The following CDC34 variants were observed in gnomAD, a reference collection of about 807,000 sequenced individuals.
The protein encoded by CDC34 is ubiquitin-conjugating enzyme E2 R1.
CDC34 carries 18 observed loss-of-function variants against 26.8 expected under a neutral mutation model. That is an observed-to-expected ratio of 0.67 (90% CI 0.47 to 1.00). The LOEUF (loss-of-function observed/expected upper bound fraction) is 1.00, where lower values mean the gene tolerates loss of function less well. CDC34 is among the 50% of genes least tolerant of loss of function. The pLI, the probability that CDC34 is intolerant of heterozygous loss-of-function variation, is 0.00. For missense variants in CDC34, 280 were observed against 334.5 expected (o/e 0.84, Z 1.27); for synonymous variants, 178 against 147.5 (o/e 1.21, Z -1.50).
intron 4 of CDC34, among the ~76,000 whole-genome samples, chr19:541,001 C>G (rs1023123020): frequency 3.9e-5 from 6 of 152,210 alleles, no homozygotes; most frequent in African/African-American, 1.4e-4. Context: ...TTTTGCCCCC[C>G]AGTGGGGCAG....
chr19:540,162 G>A (rs371653474), intron 4 of CDC34, among the ~76,000 whole-genome samples: 333 of 3,472 alleles, frequency 0.096, 127 homozygotes, highest in East Asian at 0.5. Flanking sequence ...CAGGCCCCCC[G>A]GGTTTAGAAT....
In CDC34 at chr19:535,827, G is replaced by C; in HGVS notation, c.178-10G>C. On this transcript the variant is annotated splice_polypyrimidine_tract_variant and intron_variant, in intron 1 of 4. Coordinates refer to ENST00000215574, the MANE Select transcript of CDC34 (RefSeq NM_004359.2). The stretch of plus-strand genomic sequence containing the variant: ...GGCTGGACTGAGCCACCTGCCTTCT[G>C]CCCCTGCAGGCGCGCCTCAAGTTCC... 4 of 1,611,796 alleles carry C rather than the reference G, an allele frequency of 2.5e-6. No individual in the cohort carries two copies. The highest frequency in any genetic ancestry group is 2.5e-6 in the Non-Finnish European group (3 of 1,178,574).
In CDC34 at chr19:536,266, C is replaced by T. The variant is rs747062741; in HGVS notation, c.288C>T (p.Ile96=). The T allele has an allele frequency of 4.0e-5, 65 of 1,606,622 alleles. No homozygotes were observed. Among genetic ancestry groups the T allele is most frequent in the South Asian group, 1.0e-4 (9 of 89,998 alleles). Residue 96 remains isoleucine, a synonymous_variant, in exon 3 of 5, where the codon ATC becomes ATT. Transcript: ENST00000215574. ...IYETGDVCIS[I]LHPPVDDPQS... ...AGACGGGGGACGTGTGTATCTCCAT[C>T]CTCCACCCGCCGGTGGACGACCCCC...
chr19:538,070 CAT>C (rs1156547848), intron 4 of CDC34, among the ~76,000 whole-genome samples: 5 of 151,216 alleles, frequency 3.3e-5, no homozygotes, highest in Non-Finnish European at 7.4e-5. Flanking sequence ...TGTTAGGGAA[CAT>C]GTGTCTGTGC....
intron 1 of CDC34, among the ~76,000 whole-genome samples, chr19:534,410 C>A (rs1380251036): frequency 6.7e-6 from 1 of 149,302 alleles, no homozygotes; most frequent in African/African-American, 2.5e-5. Flanking sequence ...CAATCCAAGA[C>A]CCCCGAGTAC....
intron 1 of CDC34, among the ~76,000 whole-genome samples, chr19:535,261 C>G (rs1398042715): frequency 6.6e-6 from 1 of 152,246 alleles, no homozygotes; most frequent in Non-Finnish European, 1.5e-5. Context: ...GGTCTGCCTG[C>G]CTGACCCCCC....
chr19:533,608 G>A (rs1349390706), intron 1 of CDC34, among the ~76,000 whole-genome samples: 5 of 152,372 alleles, frequency 3.3e-5, no homozygotes, highest in Non-Finnish European at 7.3e-5. Context: ...CCACCTCGAA[G>A]CCAGGCCTGT....
chr19:535,862 A>G lies in CDC34; in HGVS notation c.203A>G (p.Tyr68Cys). ...FKARLKFPID[Y>C]PYSPPAFRFL... Reference sequence around the variant, plus strand: ...GCGCGCCTCAAGTTCCCCATCGACTACCCATACTCTCCACCAGCCTTTCGG... The same window carrying G: ...GCGCGCCTCAAGTTCCCCATCGACTGCCCATACTCTCCACCAGCCTTTCGG... The change falls in exon 2 of 5, where the codon TAC becomes TGC. Residue 68 changes from tyrosine to cysteine, a missense_variant. Transcript: ENST00000215574. The G allele has an allele frequency of 6.2e-7, 1 of 1,613,734 alleles. No homozygotes were observed. The highest frequency in any genetic ancestry group is 8.5e-7 in the Non-Finnish European group (1 of 1,179,918).
At position 541,362 on chromosome 19, in the gene CDC34, T is replaced by C; in HGVS notation, c.521T>C (p.Val174Ala). The change falls in exon 5 of 5, where the codon GTG becomes GCG. Residue 174 changes from valine (V) to alanine (A), a missense_variant. Transcript: ENST00000215574. The part of the protein sequence containing the change: ...IIRKQVLGTK[V>A]DAERDGVKVP... ...AGGAAGCAGGTCCTGGGGACCAAGG[T>C]GGACGCGGAGCGTGACGGCGTGAAG... 1 of 1,595,976 alleles carries C rather than the reference T, an allele frequency of 6.3e-7. No individual in the cohort carries two copies. The highest frequency in any genetic ancestry group is 8.5e-7 in the Non-Finnish European group (1 of 1,173,632).
At chr19:538,768 G>C (rs886569086) in intron 4 of CDC34, 2 of 985,276 alleles carry the variant, frequency 2.0e-6, no homozygotes, top group African/African-American at 3.5e-5. Context: ...GGTGCTGGGC[G>C]GTCTCGGCTC....
intron 4 of CDC34, among the ~76,000 whole-genome samples, chr19:539,255 C>T (rs1308260904): frequency 6.6e-6 from 1 of 152,116 alleles, no homozygotes; most frequent in Non-Finnish European, 1.5e-5. Context: ...GTGCCGGCGG[C>T]ACCTCCACGG....
At chr19:539,342 C>A (rs1448596510) in intron 4 of CDC34, among the ~76,000 whole-genome samples, 1 of 151,154 alleles carries the variant, frequency 6.6e-6, no homozygotes, top group Admixed American at 6.6e-5. Flanking sequence ...CCCCGGGGCA[C>A]CGTCACCCCC....
intron 4 of CDC34, among the ~76,000 whole-genome samples, chr19:539,776 C>T (rs993131365): frequency 6.6e-6 from 1 of 152,234 alleles, no homozygotes; most frequent in East Asian, 1.9e-4. Context: ...GTGCCACCCC[C>T]GGAAGCCCCT....
At chr19:534,515 C>T (rs540764604) in intron 1 of CDC34, among the ~76,000 whole-genome samples, 1 of 137,814 alleles carries the variant, frequency 7.3e-6, no homozygotes, top group East Asian at 2.2e-4. Context: ...GAGTGCCCTC[C>T]CTGTCCAGAC....
At chr19:537,626 A>C (rs1397529194) in intron 4 of CDC34, among the ~76,000 whole-genome samples, 1 of 140,344 alleles carries the variant, frequency 7.1e-6, no homozygotes, top group Non-Finnish European at 1.5e-5. Context: ...TGCAGGGATT[A>C]CAGGCGTGAG....
At chr19:536,206 C>T (rs758753279) in intron 2 of CDC34, 37 bp from the exon 3 acceptor site, 56 of 1,541,362 alleles carry the variant, frequency 3.6e-5, no homozygotes, top group Non-Finnish European at 4.8e-5. Flanking sequence ...CCCGTGCTGA[C>T]CTCTGACCTG....
intron 3 of CDC34, 54 bp downstream of exon 3, chr19:536,394 C>T (rs1022002539): frequency 2.2e-5 from 30 of 1,347,298 alleles, no homozygotes; most frequent in Middle Eastern, 1.9e-4. Context: ...GGCCGGGCTC[C>T]GTCCCGTATC....
Position 541,804 on chromosome 19 carries a change from C to G in CDC34, c.*252C>G. ...GGTGGGAGCGGCCGGCCCACCTGTCCCCTCGGGAGGGGAGCTGAGCCCGAC... is the reference window on the plus strand; with the variant it reads ...GGTGGGAGCGGCCGGCCCACCTGTCGCCTCGGGAGGGGAGCTGAGCCCGAC... On this transcript the variant is annotated 3_prime_UTR_variant, in exon 5 of 5. Transcript: ENST00000215574. The G allele has an allele frequency of 3.0e-6, 1 of 331,476 alleles. No homozygotes were observed. Among genetic ancestry groups the G allele is most frequent in the Non-Finnish European group, 5.5e-6 (1 of 182,336 alleles). 20.5% of individuals were successfully genotyped at this position (331,476 alleles called of 1,614,324 possible). A position where few individuals can be genotyped will look rare whatever the true frequency, so the allele number is the denominator to read the frequency against.
intron 4 of CDC34, 115 bp from the exon 5 acceptor site, chr19:541,224 G>A (rs774456964): frequency 3.1e-5 from 41 of 1,339,258 alleles, no homozygotes; most frequent in East Asian, 1.3e-4. Flanking sequence ...GTCGCCACAC[G>A]CCGTTTTAAG....
Sources: allele counts gnomAD v4.1 joint callset (sites outside exome capture counted in the v4.1 genomes callset), GRCh38; gene constraint gnomAD v4.1.1; transcripts MANE v1.5; gene names NCBI Gene and HGNC (gene_info 2026-07-23, HGNC 2026-07-21).